Variants in ATP2C1 observed in about 807,000 individuals in gnomAD.
ATP2C1 encodes the protein calcium-transporting ATPase type 2C member 1.
Under a neutral mutation model 120.5 loss-of-function variants are expected in ATP2C1, and 31 were observed. That is an observed-to-expected ratio of 0.26 (90% confidence interval 0.19 to 0.35). The LOEUF (loss-of-function observed/expected upper bound fraction) is 0.35, where lower values mean the gene tolerates loss of function less well. ATP2C1 is among the 10% of genes least tolerant of loss of function. ATP2C1 has a pLI of 1.00. For synonymous variants in ATP2C1, 351 were observed against 358.7 expected, an observed-to-expected ratio of 0.98 and a Z score of 0.24; for missense variants, 731 against 1,107.5, an observed-to-expected ratio of 0.66 and a Z score of 4.83.
chr3:131,003,963 C>T (rs1216028248), downstream of ATP2C1, among the ~76,000 whole-genome samples: 1 of 152,196 alleles, frequency 6.6e-6, no homozygotes, highest in Non-Finnish European at 1.5e-5. Context: ...ACATATGACT[C>T]ACCCATGAAG....
chr3:130,979,700 TA>T (rs1376306400), intron 19 of ATP2C1, among the ~76,000 whole-genome samples: 4 of 152,076 alleles, frequency 2.6e-5, no homozygotes, highest in Non-Finnish European at 4.4e-5. Context: ...GATGACAGAG[TA>T]AAAGCACTAG....
chr3:130,941,222 CAGTGTGTG>C lies in ATP2C1; in HGVS notation c.423-368_423-361del, dbSNP rs1381519625. ...AGCCACCGCGCCCGGCTGTATTTAA[CAGTGTGTG>C]TGTGTGTGTGTGTGTGTGTGTGTGT... On this transcript the variant is annotated intron_variant, in intron 7 of 27. Transcript: ENST00000510168. Among the ~76,000 whole-genome samples, 264 of 105,212 alleles carry C rather than the reference CAGTGTGTG, an allele frequency of 2.5e-3. 1 individual carries two copies. The highest frequency in any genetic ancestry group is 7.0e-3 in the African/African-American group (206 of 29,232). The allele number at this position is 105,212 out of a possible 152,430, so 69.0% of individuals were successfully genotyped here.
chr3:130,974,700 C>T (rs903196910), intron 17 of ATP2C1, among the ~76,000 whole-genome samples: 3 of 152,038 alleles, frequency 2.0e-5, no homozygotes, highest in Admixed American at 6.6e-5. Context: ...TAACATCTGT[C>T]ACAATAGACA....
chr3:130,880,713 A>G (rs957466491), intron 1 of ATP2C1, among the ~76,000 whole-genome samples: 1 of 152,194 alleles, frequency 6.6e-6, no homozygotes, highest in African/African-American at 2.4e-5. Context: ...TTCAAAAACC[A>G]TCTCATTGAT....
intron 1 of ATP2C1, among the ~76,000 whole-genome samples, chr3:130,864,508 C>T (rs1053701880): frequency 6.6e-6 from 1 of 152,242 alleles, no homozygotes; most frequent in African/African-American, 2.4e-5. Flanking sequence ...TAATGATAAT[C>T]CCCAAGACCA....
chr3:131,006,312 A>G (rs55722454), downstream of ATP2C1, among the ~76,000 whole-genome samples: 7,558 of 152,174 alleles, frequency 0.05, 602 homozygotes, highest in African/African-American at 0.17. Flanking sequence ...GGGTTTTACC[A>G]TGTTGGTCAG....
chr3:130,960,592 T>C (rs907175295), intron 12 of ATP2C1, among the ~76,000 whole-genome samples: 7 of 152,184 alleles, frequency 4.6e-5, no homozygotes, highest in East Asian at 1.9e-4. Flanking sequence ...ACTTGACATA[T>C]TATTCTTACC....
intron 18 of ATP2C1, among the ~76,000 whole-genome samples, chr3:130,977,318 A>T (rs140016972): frequency 6.6e-6 from 1 of 152,110 alleles, no homozygotes; most frequent in Non-Finnish European, 1.5e-5. Flanking sequence ...TTTATTTTTT[A>T]AAAAGACCGT....
At chr3:130,964,440 A>T (rs2060963607) in intron 13 of ATP2C1, among the ~76,000 whole-genome samples, 1 of 152,074 alleles carries the variant, frequency 6.6e-6, no homozygotes, top group Admixed American at 6.6e-5. Context: ...GTCATACTTG[A>T]GTTGAATTTG....
At chr3:130,930,187 G>T (rs2108343111) in intron 2 of ATP2C1, 2 of 507,774 alleles carry the variant, frequency 3.9e-6, no homozygotes, top group South Asian at 3.9e-5. Context: ...TGAAAATTTT[G>T]TGTTCTAGCT....
In ATP2C1 at chr3:130,858,422, A is replaced by G. The variant is rs117571092; in HGVS notation, c.108+7494A>G. 6.1e-4 allele frequency among the ~76,000 whole-genome samples: 93 copies of G among 151,856 alleles called. No individual in the cohort carries two copies. In the East Asian group the frequency reaches 0.018, roughly 29 times the overall value. ...TTCTATCCTCCCTCAGTTAGTATCTACTCTTCCTTCAGATTTTAATTCAAT... is the reference window on the plus strand; with the variant it reads ...TTCTATCCTCCCTCAGTTAGTATCTGCTCTTCCTTCAGATTTTAATTCAAT... On this transcript the variant is annotated intron_variant, in intron 1 of 26. Coordinates refer to the ATP2C1 transcript ENST00000504381.
At chr3:130,953,596 C>G (rs183853382) in intron 8 of ATP2C1, among the ~76,000 whole-genome samples, 1 of 152,218 alleles carries the variant, frequency 6.6e-6, no homozygotes, top group Admixed American at 6.5e-5. Context: ...CTAATCTAGT[C>G]TCATGGTACA....
At chr3:130,959,442 C>G in intron 12 of ATP2C1, 101 bp downstream of exon 12, 1 of 742,086 alleles carries the variant, frequency 1.3e-6, no homozygotes, top group South Asian at 1.5e-5. Flanking sequence ...TACATGGAGC[C>G]CATAAGAGTA....
intron 20 of ATP2C1, among the ~76,000 whole-genome samples, chr3:130,984,998 C>T (rs557780156): frequency 3.9e-5 from 6 of 152,154 alleles, no homozygotes; most frequent in Non-Finnish European, 7.4e-5. Flanking sequence ...TGCATAAACA[C>T]CTATCACTGT....
intron 2 of ATP2C1, chr3:130,929,920 C>A: frequency 4.6e-6 from 1 of 219,158 alleles, no homozygotes; most frequent in South Asian, 6.7e-5. Context: ...TTGTGAATAG[C>A]TCTTAAAGTC....
At chr3:131,014,398 C>A (rs1427406442) in intron 26 of ATP2C1, 1 of 1,548,414 alleles carries the variant, frequency 6.5e-7, no homozygotes, top group Non-Finnish European at 8.7e-7. Context: ...CTGTTCAAAG[C>A]AAGAAAAAAG....
intron 1 of ATP2C1, among the ~76,000 whole-genome samples, chr3:130,887,604 C>T (rs531637317): frequency 6.6e-6 from 1 of 152,328 alleles, no homozygotes; most frequent in African/African-American, 2.4e-5. Flanking sequence ...CTCCCTGTGG[C>T]AACCACTATC....
At chr3:130,928,870 C>A (rs1227162127) in intron 2 of ATP2C1, among the ~76,000 whole-genome samples, 1 of 152,094 alleles carries the variant, frequency 6.6e-6, no homozygotes, top group African/African-American at 2.4e-5. Flanking sequence ...ATAACTATGT[C>A]ATCTATTTCA....
chr3:130,915,916 CACTA>C (rs1449489014), intron 2 of ATP2C1, among the ~76,000 whole-genome samples: 6 of 152,150 alleles, frequency 3.9e-5, no homozygotes. Context: ...AATCCACTGT[CACTA>C]AATAAATGGG....
Sources: allele counts gnomAD v4.1 joint callset (sites outside exome capture counted in the v4.1 genomes callset), GRCh38; gene constraint gnomAD v4.1.1; transcripts MANE v1.5; gene names NCBI Gene and HGNC (gene_info 2026-07-23, HGNC 2026-07-21).